The following DDB1 variants were observed in gnomAD, a reference collection of about 807,000 sequenced individuals.
The protein encoded by DDB1 is damage specific DNA binding protein 1.
In DDB1, 18 loss-of-function variants were observed where a neutral mutation model predicts 133.1. That is an observed-to-expected ratio of 0.14 (90% confidence interval 0.09 to 0.20). The LOEUF is 0.20. DDB1 is among the 10% of genes least tolerant of loss of function. DDB1 has a pLI of 1.00. For missense variants in DDB1, 828 were observed against 1,459.2 expected, an observed-to-expected ratio of 0.57 and a Z score of 7.05; for synonymous variants, 580 against 550.5, an observed-to-expected ratio of 1.05 and a Z score of -0.75.
intron 12 of DDB1, chr11:61,314,718 G>A (rs922452856): frequency 2.2e-5 from 10 of 455,614 alleles, no homozygotes; most frequent in African/African-American, 2.0e-4. Flanking sequence ...CAGCTGGTGG[G>A]GAAAAGGCCT....
chr11:61,302,158 C>T lies in DDB1; in HGVS notation c.3215+99G>A, dbSNP rs1293556769. The T allele has an allele frequency of 7.6e-6, 8 of 1,047,334 alleles. No homozygotes were observed. In the East Asian group the frequency reaches 1.7e-4, roughly 22 times the overall value. 64.9% of individuals were successfully genotyped at this position (1,047,334 alleles called of 1,614,324 possible). On this transcript the variant is annotated intron_variant, in intron 25 of 26. Transcript: ENST00000301764. ...ACAAAAAACCTGTTCTGTACAGGAA[C>T]CTAATCAAGACATGTAGTAGCTTCC... is the stretch of plus-strand genomic sequence containing the variant.
chr11:61,300,644 A>G (rs1053954838), intron 26 of DDB1, among the ~76,000 whole-genome samples, 165 bp downstream of exon 26: 24 of 152,236 alleles, frequency 1.6e-4, no homozygotes, highest in Non-Finnish European at 3.2e-4. Context: ...CCACAACTAC[A>G]AACATCTCTT....
intron 2 of DDB1, chr11:61,330,319 C>T: frequency 5.4e-6 from 2 of 370,056 alleles, no homozygotes; most frequent in Non-Finnish European, 4.8e-6. Context: ...CTCTGTTCTA[C>T]AAACAAAGTC....
intron 10 of DDB1, among the ~76,000 whole-genome samples, chr11:61,320,207 CTT>C (rs200495883): frequency 1.4e-5 from 2 of 144,400 alleles, no homozygotes. Context: ...TTCTTTTTTT[CTT>C]TTTTTTTTTG....
At chr11:61,300,701 C>T in intron 26 of DDB1, 108 bp downstream of exon 26, 2 of 1,509,308 alleles carry the variant, frequency 1.3e-6, no homozygotes, top group Admixed American at 1.9e-5. Context: ...CACAGAGGTC[C>T]CCTCGCATCT....
rs114169860 is a variant in DDB1 at position 61,309,769 on chromosome 11, C to T, written c.2566+27G>A. ...GACTTTCTCAGCATTTCACATCCCT[C>T]AGAAACTGGAGACTGCGCCCACTTA... On this transcript the variant is annotated intron_variant, in intron 20 of 26. Coordinates refer to ENST00000301764, the MANE Select transcript of DDB1 (RefSeq NM_001923.5). 507 of 1,601,804 alleles carry T rather than the reference C, an allele frequency of 3.2e-4. 4 individuals are homozygous for T. The African/African-American group carries it at 5.8e-3, about 18-fold the overall frequency.
intron 9 of DDB1, chr11:61,322,063 T>C: frequency 1.8e-6 from 1 of 562,046 alleles, no homozygotes; most frequent in Admixed American, 3.1e-5. Flanking sequence ...ACTTCTGAGA[T>C]GGCCAAATAT....
At chr11:61,308,175 G>A (rs1369945702) in intron 21 of DDB1, among the ~76,000 whole-genome samples, 1 of 152,138 alleles carries the variant, frequency 6.6e-6, no homozygotes, top group African/African-American at 2.4e-5. Flanking sequence ...GCCCCTGGCT[G>A]TCCCTTGGAC....
intron 10 of DDB1, 85 bp from the exon 11 acceptor site, chr11:61,316,652 T>C: frequency 7.2e-7 from 1 of 1,397,194 alleles, no homozygotes; most frequent in African/African-American, 1.4e-5. Flanking sequence ...CCAGGGGCAG[T>C]GGCTCATGCC....
rs1239523809 is a variant in DDB1 at position 61,303,994 on chromosome 11, A to C, written c.2703T>G (p.Thr901=). ...TGATGTTGTTGTAGTGGTTGCACTC[A>C]GTGCGCAGCTCCTTCTCTGTTGTCC... ...YEWTTEKELR[T]ECNHYNNIMA... is the part of the protein sequence containing the mutation. Residue 901 remains threonine, a synonymous_variant, in exon 22 of 27, where the codon ACT becomes ACG. Transcript: ENST00000301764. 2 of 1,614,092 alleles carry C rather than the reference A, an allele frequency of 1.2e-6. No homozygotes were observed. The highest frequency in any genetic ancestry group is 1.7e-6 in the Non-Finnish European group (2 of 1,180,026).
chr11:61,313,790 G>T, intron 15 of DDB1, 72 bp downstream of exon 15: 1 of 1,594,218 alleles, frequency 6.3e-7, no homozygotes, highest in Non-Finnish European at 8.6e-7. Flanking sequence ...GCAGAACCCT[G>T]GGACTAAGAA....
chr11:61,322,790 T>C (rs769528535), intron 8 of DDB1: 13 of 565,488 alleles, frequency 2.3e-5, no homozygotes, highest in Non-Finnish European at 3.8e-5. Flanking sequence ...TGTTCATCAA[T>C]GTATCCACAG....
chr11:61,316,732 G>C (rs943632702), intron 10 of DDB1, among the ~76,000 whole-genome samples, 165 bp from the exon 11 acceptor site: 4 of 151,170 alleles, frequency 2.6e-5, no homozygotes, highest in African/African-American at 9.7e-5. Flanking sequence ...GACCAGCCTG[G>C]GCAAAATGGA....
intron 12 of DDB1, 83 bp from the exon 13 acceptor site, chr11:61,314,569 A>G: frequency 7.4e-7 from 1 of 1,358,514 alleles, no homozygotes; most frequent in Non-Finnish European, 1.0e-6. Flanking sequence ...ATGCAGCCCT[A>G]ATAGAGCCCT....
chr11:61,321,289 C>A (rs1856173750), intron 10 of DDB1: 1 of 212,760 alleles, frequency 4.7e-6, no homozygotes, highest in Admixed American at 5.6e-5. Flanking sequence ...TATCCTCAGT[C>A]TCTCCTTTCT....
chr11:61,302,935 T>C, intron 23 of DDB1, 111 bp downstream of exon 23: 3 of 1,298,962 alleles, frequency 2.3e-6, no homozygotes, highest in Non-Finnish European at 3.3e-6. Context: ...GAAAGTTCTA[T>C]CTCTGTAAAC....
rs1258234667 is a variant in DDB1, at chr11:61,326,782, C to A, written c.661G>T (p.Ala221Ser). ...NVEAEASMVI[A>S]VPEPFGGAII... is the part of the protein sequence containing the mutation. ...ATTTCCTAAACCCCCTACCAACCTG[C>A]GATCACCATGGAAGCTTCAGCTTCG... Residue 221 changes from alanine to serine, a missense_variant, in exon 5 of 27, where the codon GCA becomes TCA. Ala to Ser is a moderately conservative substitution (Grantham distance 99). Transcript: ENST00000301764. 6.2e-7 allele frequency: 1 copy of A among 1,613,694 alleles called. No individual in the cohort carries two copies. Among genetic ancestry groups the A allele is most frequent in the East Asian group, 2.2e-5 (1 of 44,896 alleles).
In DDB1 at chr11:61,299,867, T is replaced by G; in HGVS notation, c.*269A>C. 1 of 528,326 alleles carries G rather than the reference T, an allele frequency of 1.9e-6. No individual in the cohort carries two copies. Among genetic ancestry groups the G allele is most frequent in the Non-Finnish European group, 3.4e-6 (1 of 290,906 alleles). The allele number at this position is 528,326 out of a possible 1,614,324, so 32.7% of individuals were successfully genotyped here. On this transcript the variant is annotated 3_prime_UTR_variant, in exon 27 of 27. Transcript: ENST00000301764. The stretch of plus-strand genomic sequence containing the variant: ...AATCCTTCCCCGGAAGGAGGACAAC[T>G]GGCAACACCAATCAAGGCTTGGTGG...
intron 23 of DDB1, 58 bp downstream of exon 23, chr11:61,302,988 C>G (rs938803671): frequency 1.9e-5 from 29 of 1,506,898 alleles, no homozygotes; most frequent in African/African-American, 1.4e-5. Context: ...CTTGCATCCA[C>G]CAGAGACCAA....
Sources: allele counts gnomAD v4.1 joint callset (sites outside exome capture counted in the v4.1 genomes callset), GRCh38; gene constraint gnomAD v4.1.1; transcripts MANE v1.5; gene names NCBI Gene and HGNC (gene_info 2026-07-23, HGNC 2026-07-21).